Variants in ADGRG6 observed in about 807,000 individuals in gnomAD.
ADGRG6 encodes G-protein coupled receptor 126.
ADGRG6 carries 84 observed loss-of-function variants against 142.4 expected under a neutral mutation model. The observed-to-expected ratio is 0.59, with a 90% CI of 0.49 to 0.71. The LOEUF (loss-of-function observed/expected upper bound fraction) is 0.71. Among genes scored for constraint, ADGRG6 ranks in the 30% least tolerant of loss-of-function variants. The pLI is 0.00. For missense variants in ADGRG6, 1,367 were observed against 1,466.6 expected (o/e 0.93, Z 1.11); for synonymous variants, 521 against 520.5 (o/e 1.00, Z -0.01).
At chr6:142,439,421 G>T (rs2115204007) in intron 24 of ADGRG6, among the ~76,000 whole-genome samples, 1 of 152,288 alleles carries the variant, frequency 6.6e-6, no homozygotes, top group Non-Finnish European at 1.5e-5. Context: ...TTTGCAAATA[G>T]GGAGTAAGGT....
chr6:142,399,102 A>G (rs1052891314), intron 10 of ADGRG6, among the ~76,000 whole-genome samples: 1 of 152,186 alleles, frequency 6.6e-6, no homozygotes, highest in African/African-American at 2.4e-5. Context: ...TTGCAATTAT[A>G]CTGTGATTAG....
At chr6:142,388,968 A>G (rs757175167) in intron 6 of ADGRG6, among the ~76,000 whole-genome samples, 1 of 152,034 alleles carries the variant, frequency 6.6e-6, no homozygotes, top group African/African-American at 2.4e-5. Context: ...TTTGTTTTAT[A>G]TGTTCCTCCA....
intron 2 of ADGRG6, among the ~76,000 whole-genome samples, chr6:142,331,603 G>T (rs911284802): frequency 3.3e-5 from 5 of 152,136 alleles, no homozygotes; most frequent in Non-Finnish European, 7.3e-5. Context: ...GTCCTGAAAT[G>T]CAGTGTTATT....
At chr6:142,373,493 C>T (rs1036986875) in intron 4 of ADGRG6, among the ~76,000 whole-genome samples, 8 of 152,162 alleles carry the variant, frequency 5.3e-5, no homozygotes, top group Non-Finnish European at 1.2e-4. Context: ...TTTCTCTAGA[C>T]CAGAGGTTGG....
chr6:142,400,994 T>G (rs1387837571), intron 11 of ADGRG6, among the ~76,000 whole-genome samples: 1 of 152,108 alleles, frequency 6.6e-6, no homozygotes, highest in Non-Finnish European at 1.5e-5. Context: ...GAAGACAAGA[T>G]CCAGATTGGG....
intron 1 of ADGRG6, 60 bp downstream of exon 1, chr6:142,302,391 C>T (rs1777267908): frequency 5.7e-6 from 9 of 1,568,378 alleles, no homozygotes; most frequent in South Asian, 1.1e-5. Flanking sequence ...CACCTTCTGT[C>T]GCCCCCTCCC....
At chr6:142,365,976 T>C (rs1048074310) in intron 2 of ADGRG6, among the ~76,000 whole-genome samples, 1 of 152,222 alleles carries the variant, frequency 6.6e-6, no homozygotes, top group African/African-American at 2.4e-5. Flanking sequence ...TTTAAGTATT[T>C]TATTGTTTGA....
At chr6:142,437,357 G>T in intron 22 of ADGRG6, 77 bp from the exon 23 acceptor site, 1 of 692,966 alleles carries the variant, frequency 1.4e-6, no homozygotes. Context: ...AAATTAAAAT[G>T]AATCCATGTA....
At chr6:142,402,575 T>C (rs757207146) in intron 12 of ADGRG6, 45 bp from the exon 13 acceptor site, 2 of 973,146 alleles carry the variant, frequency 2.1e-6, no homozygotes, top group Non-Finnish European at 3.2e-6. Context: ...ATGCTCTAAA[T>C]ATTCAGGTAA....
intron 2 of ADGRG6, among the ~76,000 whole-genome samples, chr6:142,314,243 C>A (rs561832962): frequency 6.6e-5 from 10 of 152,182 alleles, no homozygotes; most frequent in African/African-American, 1.9e-4. Context: ...ATTACATAAA[C>A]GTAGAAGGGG....
At chr6:142,333,725 A>T (rs1216627248) in intron 2 of ADGRG6, among the ~76,000 whole-genome samples, 1 of 152,166 alleles carries the variant, frequency 6.6e-6, no homozygotes, top group Non-Finnish European at 1.5e-5. Context: ...TCAAGATGAG[A>T]TCAATAATAC....
At chr6:142,398,872 A>G (rs1775349599) in intron 10 of ADGRG6, among the ~76,000 whole-genome samples, 1 of 152,176 alleles carries the variant, frequency 6.6e-6, no homozygotes, top group African/African-American at 2.4e-5. Context: ...ACATATATAT[A>G]TATGTATATA....
rs992181699 is a variant in ADGRG6 at position 142,341,882 on chromosome 6, T to TA, written c.104-25680dup. Among the ~76,000 whole-genome samples, 4 of 151,592 alleles carry TA rather than the reference T, an allele frequency of 2.6e-5. No individual in the cohort carries two copies. The Admixed American group carries it at 2.7e-4, about 10-fold the overall frequency. ...ATTTTACCAATGAATACCAAATTTT[T>TA]AAAAAAACTTGGATCATTCTGAAAC... On this transcript the variant is annotated intron_variant, in intron 2 of 24. Coordinates refer to ENST00000367609, the MANE Select transcript of ADGRG6 (RefSeq NM_198569.3).
At position 142,302,147 on chromosome 6, in the gene ADGRG6, A is replaced by C; in HGVS notation, c.-183A>C. 1.6e-6 allele frequency: 1 copy of C among 618,988 alleles called. No individual in the cohort carries two copies. 38.3% of individuals were successfully genotyped at this position (618,988 alleles called of 1,614,324 possible). Reference sequence around the variant, plus strand: ...CCCTGCGCTGAACGCTGCCGCGCCCAGGGTTCACCTTGCGCCGTCGGGAAA... The same window carrying C: ...CCCTGCGCTGAACGCTGCCGCGCCCCGGGTTCACCTTGCGCCGTCGGGAAA... On this transcript the variant is annotated 5_prime_UTR_variant, in exon 1 of 25. Coordinates refer to ENST00000367609, the MANE Select transcript of ADGRG6 (RefSeq NM_198569.3).
At chr6:142,317,310 T>A (rs1778133296) in intron 2 of ADGRG6, among the ~76,000 whole-genome samples, 1 of 152,048 alleles carries the variant, frequency 6.6e-6, no homozygotes, top group Non-Finnish European at 1.5e-5. Flanking sequence ...TTTAAGGTAG[T>A]GTCCATTTGC....
intron 22 of ADGRG6, among the ~76,000 whole-genome samples, chr6:142,427,600 T>C (rs1777010993): frequency 6.6e-6 from 1 of 152,328 alleles, no homozygotes; most frequent in African/African-American, 2.4e-5. Flanking sequence ...TGGGTATCTT[T>C]TCAGCAGCAC....
At chr6:142,380,838 C>T (rs947903285) in intron 4 of ADGRG6, among the ~76,000 whole-genome samples, 3 of 152,170 alleles carry the variant, frequency 2.0e-5, no homozygotes, top group Non-Finnish European at 4.4e-5. Flanking sequence ...CTGAGAGCAG[C>T]GACTTAGCTT....
At chr6:142,334,758 C>A (rs1779231162) in intron 2 of ADGRG6, among the ~76,000 whole-genome samples, 1 of 152,108 alleles carries the variant, frequency 6.6e-6, no homozygotes, top group African/African-American at 2.4e-5. Flanking sequence ...CACCTTTTTT[C>A]TCTTTCATAC....
In ADGRG6 at chr6:142,367,490, C is replaced by T. The variant is rs979186732; in HGVS notation, c.104-79C>T. 5.7e-6 allele frequency: 5 copies of T among 880,450 alleles called. No homozygotes were observed. In the Middle Eastern group the frequency reaches 7.7e-4, roughly 136 times the overall value. 54.5% of individuals were successfully genotyped at this position (880,450 alleles called of 1,614,324 possible). On this transcript the variant is annotated intron_variant, in intron 2 of 24. Coordinates refer to ENST00000367609, the MANE Select transcript of ADGRG6 (RefSeq NM_198569.3). ...TTAAATATTTACTGCTTGATTGTCG[C>T]CAGTGTGTGGTATTCTCGGTTTATT...
Sources: gnomAD v4.1 joint callset for allele counts (sites outside exome capture counted in the v4.1 genomes callset) on GRCh38, gnomAD v4.1.1 for gene constraint, MANE v1.5 for transcripts, NCBI Gene and HGNC (gene_info 2026-07-23, HGNC 2026-07-21) for gene names.